Variants in RBFOX1 observed in about 807,000 individuals in gnomAD.
RBFOX1 encodes the protein RNA binding protein fox-1 homolog 1.
Under a neutral mutation model 57.7 loss-of-function variants are expected in RBFOX1, and 8 were observed. The observed-to-expected ratio is 0.14, with a 90% CI of 0.08 to 0.25. The LOEUF is 0.25. Ranked by LOEUF, RBFOX1 falls within the 10% of genes least tolerant of loss-of-function variation. The probability of loss-of-function intolerance (pLI) is 1.00; values close to 1 mark genes in which losing one functional copy is unlikely to be tolerated. For synonymous variants in RBFOX1, 326 were observed against 222.4 expected (o/e 1.47, Z -4.15); for missense variants, 611 against 548.5 (o/e 1.11, Z -1.14).
intron 5 of RBFOX1, among the ~76,000 whole-genome samples, chr16:7,568,478 T>C (rs2092376133): frequency 6.6e-6 from 1 of 152,148 alleles, no homozygotes; most frequent in Admixed American, 6.5e-5. Context: ...CAGAGGTCAC[T>C]TTCGTTGCCA....
chr16:6,606,379 T>C (rs7202415), intron 2 of RBFOX1, among the ~76,000 whole-genome samples: 23,736 of 152,164 alleles, frequency 0.16, 1,981 homozygotes, highest in East Asian at 0.21. Context: ...TAAAATTTTA[T>C]GTTCTGGGGT....
intron 4 of RBFOX1, among the ~76,000 whole-genome samples, chr16:5,983,283 C>T (rs950288552): frequency 6.6e-6 from 1 of 152,194 alleles, no homozygotes; most frequent in Non-Finnish European, 1.5e-5. Flanking sequence ...GAGGGTGGCA[C>T]TTGAGTCGTT....
chr16:7,179,280 G>A (rs527783790), intron 4 of RBFOX1, among the ~76,000 whole-genome samples: 4 of 150,852 alleles, frequency 2.7e-5, no homozygotes, highest in Non-Finnish European at 4.4e-5. Flanking sequence ...CAGAGTTCAT[G>A]TCCATTGGAA....
intron 3 of RBFOX1, among the ~76,000 whole-genome samples, chr16:6,759,147 T>TTA (rs2076230372): frequency 7.7e-5 from 1 of 12,924 alleles, no homozygotes. Context: ...TACTTATCAA[T>TTA]TCTTTTTTTT....
At chr16:6,807,545 T>A (rs975337816) in intron 3 of RBFOX1, among the ~76,000 whole-genome samples, 2 of 151,830 alleles carry the variant, frequency 1.3e-5, no homozygotes, top group African/African-American at 4.8e-5. Flanking sequence ...TGGCGGAGTG[T>A]GGTGGCTCAC....
chr16:6,976,588 C>T (rs1193193207), intron 3 of RBFOX1, among the ~76,000 whole-genome samples: 4 of 151,714 alleles, frequency 2.6e-5, no homozygotes, highest in Non-Finnish European at 4.4e-5. Flanking sequence ...ACAGCTACTT[C>T]ATAGACAGAG....
At chr16:5,500,444 A>G (rs1287797236) in intron 2 of RBFOX1, among the ~76,000 whole-genome samples, 6 of 150,592 alleles carry the variant, frequency 4.0e-5, no homozygotes, top group African/African-American at 1.5e-4. Context: ...GCTGTCTTGA[A>G]CTCCTGGACT....
chr16:5,257,865 G>C (rs1169450574), intron 1 of RBFOX1, among the ~76,000 whole-genome samples: 1 of 151,984 alleles, frequency 6.6e-6, no homozygotes, highest in Non-Finnish European at 1.5e-5. Context: ...GGGGAAATGG[G>C]ATCAAGAGGG....
chr16:6,527,700 T>C (rs1305775802), intron 2 of RBFOX1, among the ~76,000 whole-genome samples: 1 of 152,144 alleles, frequency 6.6e-6, no homozygotes, highest in Non-Finnish European at 1.5e-5. Flanking sequence ...CTGTGGTTTA[T>C]CCTCCTGAGT....
chr16:6,320,208 C>T (rs796617640), intron 2 of RBFOX1, among the ~76,000 whole-genome samples: 84 of 152,276 alleles, frequency 5.5e-4, no homozygotes, highest in African/African-American at 2.0e-3. Flanking sequence ...CCCTAATCAG[C>T]TGATGCTTGT....
chr16:5,798,862 G>A (rs933922108), intron 3 of RBFOX1, among the ~76,000 whole-genome samples: 1 of 152,110 alleles, frequency 6.6e-6, no homozygotes, highest in Non-Finnish European at 1.5e-5. Context: ...GCGTCAGCTT[G>A]GGTGTAGCTC....
At chr16:6,297,134 G>A (rs1414839595) in intron 1 of RBFOX1, among the ~76,000 whole-genome samples, 1 of 152,174 alleles carries the variant, frequency 6.6e-6, no homozygotes, top group Non-Finnish European at 1.5e-5. Flanking sequence ...AGGACCACCA[G>A]AAGTCAGTGT....
At chr16:5,626,094 G>A (rs539037921) in intron 3 of RBFOX1, among the ~76,000 whole-genome samples, 2 of 152,206 alleles carry the variant, frequency 1.3e-5, no homozygotes, top group African/African-American at 4.8e-5. Context: ...TGGTCAGGCT[G>A]GTCTCGAGCT....
At chr16:5,813,617 T>G (rs535910371) in intron 3 of RBFOX1, among the ~76,000 whole-genome samples, 13 of 152,358 alleles carry the variant, frequency 8.5e-5, no homozygotes, top group South Asian at 2.1e-4. Context: ...CAAGTCTCAC[T>G]ATTGAGTTTT....
At chr16:5,329,726 G>A (rs751738342) in intron 1 of RBFOX1, among the ~76,000 whole-genome samples, 11 of 152,198 alleles carry the variant, frequency 7.2e-5, no homozygotes, top group African/African-American at 1.4e-4. Context: ...TGGGCCGGGC[G>A]CGGTGGCTTA....
chr16:6,114,503 G>T (rs937550434), intron 1 of RBFOX1, among the ~76,000 whole-genome samples: 1 of 152,124 alleles, frequency 6.6e-6, no homozygotes, highest in African/African-American at 2.4e-5. Context: ...TATATTTATA[G>T]TTGTTTATTC....
chr16:6,021,323 C>G (rs560914698), intron 1 of RBFOX1, among the ~76,000 whole-genome samples: 1 of 152,244 alleles, frequency 6.6e-6, no homozygotes, highest in Non-Finnish European at 1.5e-5. Flanking sequence ...CATCTCCCCT[C>G]CATTTATCAT....
intron 4 of RBFOX1, among the ~76,000 whole-genome samples, chr16:7,374,713 T>G (rs974367597): frequency 6.6e-6 from 1 of 152,220 alleles, no homozygotes; most frequent in Non-Finnish European, 1.5e-5. Context: ...CTTCAACACG[T>G]ACTCGGTCCC....
intron 3 of RBFOX1, among the ~76,000 whole-genome samples, chr16:6,935,463 A>G (rs1377844458): frequency 6.6e-6 from 1 of 152,202 alleles, no homozygotes; most frequent in Admixed American, 6.5e-5. Context: ...CTTTTGCAAT[A>G]ATGAATGATT....
Sources: allele counts gnomAD v4.1 joint callset (sites outside exome capture counted in the v4.1 genomes callset), GRCh38; gene constraint gnomAD v4.1.1; transcripts MANE v1.5; gene names NCBI Gene and HGNC (gene_info 2026-07-23, HGNC 2026-07-21).